COX7B2: variants seen among roughly 807,000 people sequenced by gnomAD.
COX7B2 encodes cytochrome c oxidase subunit 7B2, also known as cytochrome c oxidase subunit 7B2, mitochondrial.
For missense variants in COX7B2, 109 were observed against 95.9 expected (o/e 1.14, Z -0.57); for synonymous variants, 37 against 32.1 (o/e 1.15, Z -0.51).
intron 2 of COX7B2, among the ~76,000 whole-genome samples, chr4:46,837,393 C>T (rs544810216): frequency 6.6e-6 from 1 of 151,560 alleles, no homozygotes; most frequent in Non-Finnish European, 1.5e-5. Flanking sequence ...AAACTGTATG[C>T]TAAGTGAAAT....
At chr4:46,851,047 T>C (rs1279006017) in intron 1 of COX7B2, among the ~76,000 whole-genome samples, 1 of 151,990 alleles carries the variant, frequency 6.6e-6, no homozygotes, top group Non-Finnish European at 1.5e-5. Flanking sequence ...AAAGAGGTAA[T>C]GCAAGTTACC....
At chr4:46,887,731 A>AT (rs1221073047) in intron 1 of COX7B2, among the ~76,000 whole-genome samples, 2 of 151,466 alleles carry the variant, frequency 1.3e-5, no homozygotes, top group Non-Finnish European at 2.9e-5. Flanking sequence ...AAAAAAAAAA[A>AT]AGGAAGTATC....
At chr4:46,899,380 A>G (rs566354543) in intron 1 of COX7B2, among the ~76,000 whole-genome samples, 1 of 152,324 alleles carries the variant, frequency 6.6e-6, no homozygotes, top group South Asian at 2.1e-4. Context: ...GCAAGAAATC[A>G]TCTCCTAACT....
chr4:46,815,223 G>A (rs1389366816), intron 2 of COX7B2, among the ~76,000 whole-genome samples: 2 of 151,338 alleles, frequency 1.3e-5, no homozygotes, highest in South Asian at 2.1e-4. Flanking sequence ...AAGCATGAAA[G>A]TACTCAGACA....
intron 2 of COX7B2, among the ~76,000 whole-genome samples, chr4:46,751,533 T>C (rs1457618562): frequency 6.6e-6 from 1 of 152,110 alleles, no homozygotes; most frequent in East Asian, 1.9e-4. Context: ...ATAGTGGAGA[T>C]AAATAAAACA....
chr4:46,765,649 C>T (rs1560365362), intron 2 of COX7B2, among the ~76,000 whole-genome samples: 1 of 152,140 alleles, frequency 6.6e-6, no homozygotes, highest in South Asian at 2.1e-4. Context: ...CAGGCTAGGC[C>T]CCATAACTCC....
At chr4:46,815,393 A>G (rs562138471) in intron 2 of COX7B2, among the ~76,000 whole-genome samples, 1 of 152,296 alleles carries the variant, frequency 6.6e-6, no homozygotes, top group Non-Finnish European at 1.5e-5. Flanking sequence ...CACATTTATT[A>G]TTATGGCCTG....
chr4:46,898,669 C>T (rs778639273), intron 1 of COX7B2, among the ~76,000 whole-genome samples: 24 of 152,164 alleles, frequency 1.6e-4, no homozygotes, highest in Non-Finnish European at 3.5e-4. Flanking sequence ...AAGAGATCCA[C>T]TGGCCTCACC....
chr4:46,800,212 G>A (rs1260588133), intron 2 of COX7B2, among the ~76,000 whole-genome samples: 2 of 151,426 alleles, frequency 1.3e-5, no homozygotes, highest in Non-Finnish European at 2.9e-5. Context: ...TTACAGATTC[G>A]ATGCTATTCA....
At chr4:46,769,460 G>A (rs1250616823) in intron 2 of COX7B2, among the ~76,000 whole-genome samples, 8 of 152,116 alleles carry the variant, frequency 5.3e-5, no homozygotes, top group Non-Finnish European at 1.2e-4. Context: ...GGCCGGGCAC[G>A]GTGGCTCACG....
At chr4:46,793,666 C>T (rs1351956681) in intron 2 of COX7B2, among the ~76,000 whole-genome samples, 1 of 152,190 alleles carries the variant, frequency 6.6e-6, no homozygotes, top group Non-Finnish European at 1.5e-5. Flanking sequence ...AGACCCTTAG[C>T]TCCTATAGCC....
chr4:46,739,338 C>A (rs1318192836), intron 2 of COX7B2, among the ~76,000 whole-genome samples: 3 of 151,796 alleles, frequency 2.0e-5, no homozygotes, highest in African/African-American at 4.8e-5. Flanking sequence ...ACAAACCAAA[C>A]CAAACCAAAA....
intron 2 of COX7B2, among the ~76,000 whole-genome samples, chr4:46,789,809 G>C (rs1413821312): frequency 6.6e-6 from 1 of 151,888 alleles, no homozygotes; most frequent in Non-Finnish European, 1.5e-5. Flanking sequence ...TATACTCTTT[G>C]GGGAATTACT....
chr4:46,854,325 C>T (rs1577660069), intron 1 of COX7B2, among the ~76,000 whole-genome samples: 2 of 151,958 alleles, frequency 1.3e-5, no homozygotes, highest in Non-Finnish European at 1.5e-5. Flanking sequence ...AATATAGATC[C>T]CATTAGAGTG....
chr4:46,870,388 A>C (rs1466234483), intron 1 of COX7B2, among the ~76,000 whole-genome samples: 1 of 152,128 alleles, frequency 6.6e-6, no homozygotes, highest in African/African-American at 2.4e-5. Flanking sequence ...ATACTGAATG[A>C]GCAAAAGTTG....
chr4:46,843,870 GA>G (rs1447371777), intron 2 of COX7B2, among the ~76,000 whole-genome samples: 2 of 151,798 alleles, frequency 1.3e-5, no homozygotes, highest in African/African-American at 2.4e-5. Flanking sequence ...TAAAATACAA[GA>G]AAAAAAGTTA....
intron 2 of COX7B2, among the ~76,000 whole-genome samples, chr4:46,742,338 A>G (rs950654349): frequency 1.3e-5 from 2 of 152,114 alleles, no homozygotes; most frequent in African/African-American, 4.8e-5. Context: ...AATAAAAAAA[A>G]GCAATCTTCT....
chr4:46,753,665 T>C (rs577401563), intron 2 of COX7B2, among the ~76,000 whole-genome samples: 12 of 152,132 alleles, frequency 7.9e-5, no homozygotes, highest in African/African-American at 2.6e-4. Flanking sequence ...AAGGACTTCA[T>C]GTCTAAAACA....
At chr4:46,832,807 C>T (rs1201162408) in intron 2 of COX7B2, among the ~76,000 whole-genome samples, 1 of 152,200 alleles carries the variant, frequency 6.6e-6, no homozygotes, top group Non-Finnish European at 1.5e-5. Context: ...CCCACTAGCT[C>T]CCCTTCGCCT....
Sources: allele counts gnomAD v4.1 joint callset (sites outside exome capture counted in the v4.1 genomes callset), GRCh38; gene constraint gnomAD v4.1.1; transcripts MANE v1.5; gene names NCBI Gene and HGNC (gene_info 2026-07-23, HGNC 2026-07-21).